The following WAPL variants were observed in gnomAD, a reference collection of about 807,000 sequenced individuals.
WAPL encodes the protein wings apart-like protein homolog.
A neutral mutation model predicts 121.0 loss-of-function variants in WAPL; 5 were observed. The ratio of observed to expected loss-of-function variants is 0.04; its 90% CI spans 0.02 to 0.09. The LOEUF (loss-of-function observed/expected upper bound fraction) is 0.09, where lower values mean the gene tolerates loss of function less well. Among genes scored for constraint, WAPL ranks in the 10% least tolerant of loss-of-function variants. WAPL has a pLI of 1.00. For missense variants in WAPL, 999 were observed against 1,410.8 expected (o/e 0.71, Z 4.68); for synonymous variants, 480 against 481.5 (o/e 1.00, Z 0.04).
intron 17 of WAPL, 140 bp from the exon 18 acceptor site, chr10:86,438,155 A>G (rs1031839203): frequency 1.1e-5 from 6 of 558,658 alleles, no homozygotes; most frequent in Non-Finnish European, 1.9e-5. Context: ...TTCTCTTTCC[A>G]CACTCACTCT....
At chr10:86,490,466 T>C (rs1243751224) in intron 4 of WAPL, among the ~76,000 whole-genome samples, 2 of 152,146 alleles carry the variant, frequency 1.3e-5, no homozygotes, top group African/African-American at 2.4e-5. Flanking sequence ...TAAGCTATGT[T>C]ACTAGCAAAG....
intron 2 of WAPL, among the ~76,000 whole-genome samples, chr10:86,505,856 T>C (rs1225447351): frequency 6.6e-6 from 1 of 152,094 alleles, no homozygotes; most frequent in Non-Finnish European, 1.5e-5. Context: ...CATACGAAAG[T>C]GAACAGTTTC....
At position 86,459,072 on chromosome 10, in the gene WAPL, AG is replaced by A; in HGVS notation, c.2581-8del. On this transcript the variant is annotated splice_polypyrimidine_tract_variant and splice_region_variant and intron_variant, in intron 11 of 18. Transcript: ENST00000298767. ...CGGGATTATGCACAGTTACCTAAAA[AG>A]GAAGAATATGAAATAATTGTGGCAA... 1 of 1,600,514 alleles carries A rather than the reference AG, an allele frequency of 6.2e-7. No homozygotes were observed. Among genetic ancestry groups the A allele is most frequent in the Non-Finnish European group, 8.5e-7 (1 of 1,173,866 alleles).
chr10:86,447,179 T>C (rs1849644434), intron 15 of WAPL, among the ~76,000 whole-genome samples: 1 of 152,152 alleles, frequency 6.6e-6, no homozygotes, highest in Non-Finnish European at 1.5e-5. Flanking sequence ...CATGTGATTA[T>C]GTCACTGCTC....
At chr10:86,508,518 C>G (rs1257450480) in intron 2 of WAPL, among the ~76,000 whole-genome samples, 8 of 152,126 alleles carry the variant, frequency 5.3e-5, no homozygotes, top group African/African-American at 1.9e-4. Flanking sequence ...CTTGTTACCC[C>G]CCATTTCCTC....
At chr10:86,461,986 A>C (rs1841287277) in intron 9 of WAPL, among the ~76,000 whole-genome samples, 1 of 152,322 alleles carries the variant, frequency 6.6e-6, no homozygotes, top group Admixed American at 6.5e-5. Context: ...CAGCTCAGAT[A>C]TTCATCATGT....
chr10:86,443,664 G>A lies in WAPL; in HGVS notation c.3323-301C>T, dbSNP rs192766689. ...ATTTGCAAATCATGAACTTGATAAG[G>A]GTCAAGTATCCAGAACATATAAAAA... On this transcript the variant is annotated intron_variant, in intron 16 of 18. Transcript: ENST00000298767. The A allele has an allele frequency of 4.0e-4, 122 of 305,628 alleles. 1 individual carries two copies. The Admixed American group carries it at 4.3e-3, about 11-fold the overall frequency. 18.9% of individuals were successfully genotyped at this position (305,628 alleles called of 1,614,324 possible).
chr10:86,440,500 C>T (rs367722303), intron 17 of WAPL, among the ~76,000 whole-genome samples: 16 of 151,986 alleles, frequency 1.1e-4, no homozygotes, highest in Admixed American at 3.9e-4. Flanking sequence ...ACCGTTTCAC[C>T]GTGTTAGCCA....
chr10:86,503,469 TTC>T (rs1414373820), intron 2 of WAPL, among the ~76,000 whole-genome samples: 1 of 150,516 alleles, frequency 6.6e-6, no homozygotes, highest in African/African-American at 2.5e-5. Context: ...GAAAACAAAC[TTC>T]GCCGGGTGTG....
At chr10:86,469,863 T>C (rs902064409) in intron 8 of WAPL, among the ~76,000 whole-genome samples, 1 of 152,156 alleles carries the variant, frequency 6.6e-6, no homozygotes, top group Middle Eastern at 3.2e-3. Context: ...AAGTTCACTG[T>C]TAACTGCATA....
At chr10:86,510,848 T>G (rs994700599) in intron 2 of WAPL, among the ~76,000 whole-genome samples, 10 of 152,106 alleles carry the variant, frequency 6.6e-5, no homozygotes, top group African/African-American at 2.4e-4. Flanking sequence ...TGTTTTGTTT[T>G]GTTTTTGAGA....
chr10:86,467,125 G>C, intron 9 of WAPL, 154 bp downstream of exon 9: 2 of 659,752 alleles, frequency 3.0e-6, no homozygotes, highest in Non-Finnish European at 5.1e-6. Flanking sequence ...GGCAAGGAAT[G>C]AAATTATGCT....
At chr10:86,467,138 G>C (rs1841417219) in intron 9 of WAPL, 141 bp downstream of exon 9, 1 of 708,406 alleles carries the variant, frequency 1.4e-6, no homozygotes, top group Non-Finnish European at 2.3e-6. Context: ...ATTATGCTCA[G>C]ATCTAAACAT....
chr10:86,519,051 G>A (rs1842617669), intron 1 of WAPL, among the ~76,000 whole-genome samples: 1 of 151,724 alleles, frequency 6.6e-6, no homozygotes, highest in Non-Finnish European at 1.5e-5. Flanking sequence ...GATTAATACA[G>A]ACATAGAAAC....
chr10:86,484,366 C>T (rs772617084), intron 4 of WAPL, among the ~76,000 whole-genome samples: 11 of 151,930 alleles, frequency 7.2e-5, no homozygotes, highest in Non-Finnish European at 1.2e-4. Context: ...GTGGTGATGT[C>T]CACCTGTAGT....
In WAPL at chr10:86,437,997, G is replaced by A. The variant is rs1849366309; in HGVS notation, c.3430C>T (p.Arg1144Trp). 1.9e-6 allele frequency: 3 copies of A among 1,613,394 alleles called. No individual in the cohort carries two copies. Among genetic ancestry groups the A allele is most frequent in the Non-Finnish European group, 1.7e-6 (2 of 1,179,654 alleles). ...QESPINVTTV[R>W]EYLPEGDFSI... ...AAGTCTCCTTCTGGCAGATATTCCC[G>A]CACAGTGGTTACATTGATCTGAGGA... The change falls in exon 18 of 19, where the codon CGG (arginine) becomes TGG (tryptophan). Residue 1144 changes from arginine (R) to tryptophan (W), a missense_variant. Arg to Trp is a moderately radical substitution (Grantham distance 101). Transcript: ENST00000298767.
intron 4 of WAPL, among the ~76,000 whole-genome samples, chr10:86,478,725 T>C (rs1474352417): frequency 6.6e-6 from 1 of 152,144 alleles, no homozygotes; most frequent in Non-Finnish European, 1.5e-5. Context: ...ATAAAAACAA[T>C]GGATAAAAGT....
chr10:86,499,974 A>G lies in WAPL; in HGVS notation c.1269T>C (p.Asp423=). Residue 423 remains aspartate, a synonymous_variant, in exon 3 of 19, where the codon GAT becomes GAC. Coordinates refer to ENST00000298767, the MANE Select transcript of WAPL (RefSeq NM_015045.5). ...CAAAACCAAAAAATTCAAGTTTAAC[A>G]TCCTTTTTGGATTTAGTATTACTAG... ...FRPSNTKSKK[D]VKLEFFGFED... 6.2e-7 allele frequency: 1 copy of G among 1,614,144 alleles called. No individual in the cohort carries two copies. Among genetic ancestry groups the G allele is most frequent in the Non-Finnish European group, 8.5e-7 (1 of 1,180,016 alleles).
At chr10:86,510,236 G>A (rs1277701968) in intron 2 of WAPL, among the ~76,000 whole-genome samples, 1 of 151,674 alleles carries the variant, frequency 6.6e-6, no homozygotes, top group African/African-American at 2.4e-5. Context: ...CACCACGCCT[G>A]GCTAATTTTT....
Sources: gnomAD v4.1 joint callset for allele counts (sites outside exome capture counted in the v4.1 genomes callset) on GRCh38, gnomAD v4.1.1 for gene constraint, MANE v1.5 for transcripts, NCBI Gene and HGNC (gene_info 2026-07-23, HGNC 2026-07-21) for gene names.